MYCBP2: variants seen among roughly 807,000 people sequenced by gnomAD.
MYCBP2 encodes MYC binding protein 2.
In MYCBP2, 120 loss-of-function variants were observed where a neutral mutation model predicts 525.3. The observed-to-expected ratio is 0.23, with a 90% CI of 0.20 to 0.27. The LOEUF (loss-of-function observed/expected upper bound fraction) is 0.27, where lower values mean the gene tolerates loss of function less well. MYCBP2 is among the 10% of genes least tolerant of loss of function. MYCBP2 has a pLI of 1.00. For missense variants in MYCBP2, 4,149 were observed against 5,657.1 expected, an observed-to-expected ratio of 0.73 and a Z score of 8.55; for synonymous variants, 1,894 against 1,955.8, an observed-to-expected ratio of 0.97 and a Z score of 0.83.
At chr13:77,090,924 C>T (rs1457410067) in intron 59 of MYCBP2, among the ~76,000 whole-genome samples, 2 of 152,184 alleles carry the variant, frequency 1.3e-5, no homozygotes, top group Non-Finnish European at 2.9e-5. Flanking sequence ...GAGAGCTATA[C>T]AATTTCCTTT....
chr13:77,270,021 C>G lies in MYCBP2; in HGVS notation c.1231G>C (p.Glu411Gln). 6.2e-7 allele frequency: 1 copy of G among 1,610,166 alleles called. No homozygotes were observed. Among genetic ancestry groups the G allele is most frequent in the Non-Finnish European group, 8.5e-7 (1 of 1,178,652 alleles). The stretch of plus-strand genomic sequence containing the variant: ...GCATACCCTAACCAAGACTTTTTTT[C>G]TTTTCTGTTTCTAATACGGGATGTA... Reference protein sequence around the residue: ...NSTSRIRNRKEKKSWLGYAQG... With the variant: ...NSTSRIRNRKQKKSWLGYAQG... The change falls in exon 7 of 83, where the codon GAA becomes CAA. Residue 411 changes from glutamate to glutamine, a missense_variant. Physicochemically the swap from Glu to Gln is conservative, Grantham distance 29 (BLOSUM62 2). This residue lies in a region of MYCBP2 where 262 missense variants were observed against 419.3 expected (regional missense o/e 0.62). Transcript: ENST00000544440.
intron 55 of MYCBP2, among the ~76,000 whole-genome samples, chr13:77,106,178 T>G (rs1193746172): frequency 6.6e-6 from 1 of 152,136 alleles, no homozygotes; most frequent in Admixed American, 6.6e-5. Flanking sequence ...CTGGAGGTTT[T>G]GGGATTTTAA....
At chr13:77,296,496 A>T in intron 2 of MYCBP2, 103 bp downstream of exon 2, 1 of 1,267,816 alleles carries the variant, frequency 7.9e-7, no homozygotes, top group Non-Finnish European at 1.1e-6. Flanking sequence ...TTACTTCAGC[A>T]CATACTAATA....
At position 77,066,123 on chromosome 13, in the gene MYCBP2, A is replaced by T. The variant is rs752260002; in HGVS notation, c.12456-35T>A. 5 of 1,397,032 alleles carry T rather than the reference A, an allele frequency of 3.6e-6. No individual in the cohort carries two copies. The South Asian group carries it at 5.9e-5, about 16-fold the overall frequency. 86.5% of individuals were successfully genotyped at this position (1,397,032 alleles called of 1,614,324 possible). On this transcript the variant is annotated intron_variant, in intron 71 of 82. Coordinates refer to ENST00000544440, the MANE Select transcript of MYCBP2 (RefSeq NM_015057.5). ...AAATTAGCACTTAAAAAGCCAATAA[A>T]TTATCAGTAGTAGTAACAAATGAAA...
chr13:77,217,786 A>T, intron 21 of MYCBP2, 54 bp downstream of exon 21: 1 of 1,132,864 alleles, frequency 8.8e-7, no homozygotes, highest in Non-Finnish European at 1.3e-6. Flanking sequence ...AATATAGACA[A>T]ATTATAAGGC....
At chr13:77,171,760 C>T in intron 37 of MYCBP2, 126 bp from the exon 38 acceptor site, 1 of 886,892 alleles carries the variant, frequency 1.1e-6, no homozygotes, top group South Asian at 1.8e-5. Flanking sequence ...AAAAAGTAAA[C>T]ATGCAACTAT....
At chr13:77,147,150 G>A (rs534730342) in intron 47 of MYCBP2, among the ~76,000 whole-genome samples, 10 of 152,116 alleles carry the variant, frequency 6.6e-5, no homozygotes, top group Non-Finnish European at 1.0e-4. Context: ...TCTGGAAAAC[G>A]TATTGAACAA....
rs1354305093 is a variant in MYCBP2, at chr13:77,185,163, G to T, written c.4659C>A (p.Phe1553Leu). ...HNTFTACFHS[F>L]YPTPALQWAC... is the part of the protein sequence containing the mutation. Reference sequence around the variant, plus strand: ...CCCACTGTAAGGCAGGAGTTGGGTAGAAAGAATGAAAGCAGGCAGTGAAAG... The same window carrying T: ...CCCACTGTAAGGCAGGAGTTGGGTATAAAGAATGAAAGCAGGCAGTGAAAG... The change falls in exon 32 of 83, where the codon TTC (phenylalanine) becomes TTA (leucine). Residue 1553 changes from phenylalanine (F) to leucine (L), a missense_variant. Phe to Leu is a conservative substitution (Grantham distance 22). Around this residue, in one of 21 missense-constraint regions of MYCBP2, gnomAD observed 292 missense variants for 330.5 expected, o/e 0.88. Transcript: ENST00000544440. 6.2e-7 allele frequency: 1 copy of T among 1,614,122 alleles called. No individual in the cohort carries two copies. The highest frequency in any genetic ancestry group is 2.2e-5 in the East Asian group (1 of 44,868).
chr13:77,144,150 A>G, intron 49 of MYCBP2: 1 of 355,278 alleles, frequency 2.8e-6, no homozygotes, highest in South Asian at 3.6e-5. Context: ...AGACACACCC[A>G]CAGGGGAGAG....
chr13:77,316,952 G>T (rs56164318), intron 1 of MYCBP2, among the ~76,000 whole-genome samples: 1 of 148,668 alleles, frequency 6.7e-6, no homozygotes, highest in Non-Finnish European at 1.5e-5. Context: ...TTTTTTTGTT[G>T]TTTTTTTTTT....
chr13:77,128,998 T>C (rs2052226146), intron 52 of MYCBP2: 1 of 385,006 alleles, frequency 2.6e-6, no homozygotes, highest in African/African-American at 2.1e-5. Context: ...TACATTCTTT[T>C]TGGCAGGAGT....
intron 18 of MYCBP2, among the ~76,000 whole-genome samples, chr13:77,227,483 C>T (rs1201197105): frequency 2.3e-3 from 18 of 7,812 alleles, no homozygotes; most frequent in Middle Eastern, 0.1. Flanking sequence ...CACACACATA[C>T]ACACACACAC....
chr13:77,308,085 T>C (rs560005178), intron 1 of MYCBP2, among the ~76,000 whole-genome samples: 97 of 152,334 alleles, frequency 6.4e-4, no homozygotes, highest in African/African-American at 2.1e-3. Flanking sequence ...CTGAACATCA[T>C]TAGACTGCTG....
intron 45 of MYCBP2, 141 bp downstream of exon 45, chr13:77,157,796 C>T (rs2057391788): frequency 4.4e-6 from 3 of 680,724 alleles, no homozygotes; most frequent in South Asian, 2.1e-5. Flanking sequence ...TATTAACTAT[C>T]ATTTTATATT....
rs1199682368 is a variant in MYCBP2, at chr13:77,196,746, G to C, written c.3844-2502C>G. Among the ~76,000 whole-genome samples the C allele has an allele frequency of 2.0e-5, 3 of 152,058 alleles. No homozygotes were observed. In the East Asian group the frequency reaches 5.9e-4, roughly 30 times the overall value. On this transcript the variant is annotated intron_variant, in intron 26 of 82. Transcript: ENST00000544440. ...GTTTAGGCAGATCATCAGAAGCATA[G>C]TATTGAATATGTTACCTCCAAAATG... is the stretch of plus-strand genomic sequence containing the variant.
chr13:77,207,533 A>G (rs934012833), intron 23 of MYCBP2, among the ~76,000 whole-genome samples: 7 of 152,182 alleles, frequency 4.6e-5, no homozygotes, highest in Admixed American at 1.3e-4. Context: ...CTATTTCACA[A>G]TAACATAAAT....
chr13:77,057,791 AAC>A (rs2038419354), intron 78 of MYCBP2, among the ~76,000 whole-genome samples: 1 of 151,954 alleles, frequency 6.6e-6, no homozygotes, highest in Non-Finnish European at 1.5e-5. Flanking sequence ...AGATTAAAAG[AAC>A]ACTTCTGCCT....
At chr13:77,071,027 T>C (rs1270927085) in intron 68 of MYCBP2, among the ~76,000 whole-genome samples, 2 of 152,138 alleles carry the variant, frequency 1.3e-5, no homozygotes, top group Non-Finnish European at 2.9e-5. Context: ...CCACATTTAA[T>C]TGTTTGAAGA....
At position 77,327,039 on chromosome 13, in the gene MYCBP2, G is replaced by GCCGCCACCACCGCTACCA. The variant is rs953324205; in HGVS notation, c.-282_-265dup. ...AGGAGGAGGCGGTGCCGCCACTGCC[G>GCCGCCACCACCGCTACCA]CCGCCACCACCGCTACCACCGCCAC... On this transcript the variant is annotated 5_prime_UTR_variant, in exon 1 of 83. Coordinates refer to ENST00000544440, the MANE Select transcript of MYCBP2 (RefSeq NM_015057.5). 407 of 437,848 alleles carry GCCGCCACCACCGCTACCA rather than the reference G, an allele frequency of 9.3e-4. 1 individual carries two copies. Among genetic ancestry groups the GCCGCCACCACCGCTACCA allele is most frequent in the South Asian group, 8.5e-3 (122 of 14,364 alleles). 27.1% of individuals were successfully genotyped at this position (437,848 alleles called of 1,614,324 possible).
Sources: gnomAD v4.1 joint callset for allele counts (sites outside exome capture counted in the v4.1 genomes callset) on GRCh38, gnomAD v4.1.1 for gene constraint, gnomAD v4.1.1 regional missense constraint, MANE v1.5 for transcripts, NCBI Gene and HGNC (gene_info 2026-07-23, HGNC 2026-07-21) for gene names.